TRIM54: variants seen among roughly 807,000 people sequenced by gnomAD.
TRIM54 encodes tripartite motif containing 54, also known as tripartite motif-containing protein 54.
TRIM54 carries 40 observed loss-of-function variants against 42.0 expected under a neutral mutation model. The observed-to-expected ratio is 0.95, with a 90% CI of 0.74 to 1.24. The LOEUF (loss-of-function observed/expected upper bound fraction) is 1.24, where lower values mean the gene tolerates loss of function less well. TRIM54 is among the 50% of genes most tolerant of loss of function. The pLI is 0.00. For missense variants in TRIM54, 485 were observed against 480.3 expected, an observed-to-expected ratio of 1.01 and a Z score of -0.09; for synonymous variants, 199 against 194.9, an observed-to-expected ratio of 1.02 and a Z score of -0.17.
chr2:27,283,763 G>GGCACACACGCACGCGCGCGCGCGC lies in TRIM54; in HGVS notation c.168+872_168+873insGCACGCGCGCGCGCGCGCACACAC, dbSNP rs1302528330. On this transcript the variant is annotated intron_variant, in intron 1 of 8. Coordinates refer to ENST00000380075, the MANE Select transcript of TRIM54 (RefSeq NM_187841.3). ...GAGATCAGGGAGAGTGAGGGGCAAA[G>GGCACACACGCACGCGCGCGCGCGC]GCACACACACACACACGCGCGCACA... Among the ~76,000 whole-genome samples the GGCACACACGCACGCGCGCGCGCGC allele has an allele frequency of 1.6e-3, 170 of 103,810 alleles. 2 individuals carry two copies. Among genetic ancestry groups the GGCACACACGCACGCGCGCGCGCGC allele is most frequent in the Non-Finnish European group, 2.2e-3 (110 of 50,438 alleles). The allele number at this position is 103,810 out of a possible 152,430, so 68.1% of individuals were successfully genotyped here. A position where few individuals can be genotyped will look rare whatever the true frequency, so the allele number is the denominator to read the frequency against.
intron 1 of TRIM54, among the ~76,000 whole-genome samples, chr2:27,290,131 CA>C (rs1678678701): frequency 6.6e-6 from 1 of 151,924 alleles, no homozygotes; most frequent in East Asian, 1.9e-4. Context: ...CTCGGCCTTC[CA>C]AAGTTCTAGA....
intron 1 of TRIM54, among the ~76,000 whole-genome samples, chr2:27,288,838 C>T (rs981538997): frequency 1.3e-5 from 2 of 152,198 alleles, no homozygotes; most frequent in African/African-American, 4.8e-5. Flanking sequence ...ATTTCCTCTA[C>T]ACATCACATC....
Position 27,306,213 on chromosome 2 carries a change from G to A in TRIM54, c.867G>A (p.Lys289=), listed in dbSNP as rs1387665762. Residue 289 remains lysine (K), a splice_region_variant and synonymous_variant, in exon 7 of 9, where the codon AAG becomes AAA. Transcript: ENST00000380075. The surrounding 1 kb of genome is among the most constrained non-coding windows in gnomAD (Gnocchi z 6.1). The part of the protein sequence containing the change: ...YLQQAKELIN[K]VGAMSKVELA... ...AGCTGAGTCCGTGTGGCCACTGCAG[G>A]GTCGGGGCCATGTCGAAGGTGGAGC... 6 of 1,613,990 alleles carry A rather than the reference G, an allele frequency of 3.7e-6. No individual in the cohort carries two copies. In the South Asian group the frequency reaches 6.6e-5, roughly 18 times the overall value.
At chr2:27,299,680 C>CTATA (rs1248708050) in intron 3 of TRIM54, 1 of 594,442 alleles carries the variant, frequency 1.7e-6, no homozygotes, top group Non-Finnish European at 2.9e-6. Context: ...TCAGCCCTAT[C>CTATA]TATCTATCTA....
At chr2:27,284,359 A>G (rs1572515592) in intron 1 of TRIM54, among the ~76,000 whole-genome samples, 1 of 152,298 alleles carries the variant, frequency 6.6e-6, no homozygotes, top group East Asian at 1.9e-4. Flanking sequence ...AGGTCAGGCC[A>G]TCCCACAATG....
chr2:27,283,936 C>A (rs2148186089), intron 1 of TRIM54, among the ~76,000 whole-genome samples: 1 of 152,270 alleles, frequency 6.6e-6, no homozygotes, highest in South Asian at 2.1e-4. Flanking sequence ...AGTTCAAGAC[C>A]AGCTTGGCCA....
At chr2:27,304,904 G>A in intron 3 of TRIM54, 55 bp from the exon 4 acceptor site, 6 of 1,533,836 alleles carry the variant, frequency 3.9e-6, no homozygotes, top group Non-Finnish European at 5.4e-6. Flanking sequence ...CTGGGGTGAG[G>A]GGTGTAGCTC....
intron 3 of TRIM54, among the ~76,000 whole-genome samples, chr2:27,300,966 G>A (rs1008716827): frequency 6.6e-6 from 1 of 152,064 alleles, no homozygotes; most frequent in East Asian, 1.9e-4. Context: ...CTCTGTTAGA[G>A]GAAAGAGGTC....
chr2:27,302,338 C>A (rs2148202296), intron 3 of TRIM54, among the ~76,000 whole-genome samples: 1 of 152,052 alleles, frequency 6.6e-6, no homozygotes, highest in South Asian at 2.1e-4. Flanking sequence ...GTAGTCCCAG[C>A]TACTCGGGAG....
chr2:27,305,129 C>G (rs1366170566), intron 4 of TRIM54, 75 bp downstream of exon 4: 1 of 1,274,530 alleles, frequency 7.8e-7, no homozygotes, highest in Non-Finnish European at 1.1e-6. Context: ...GAGAACTGCT[C>G]CTCTCTGACC....
Position 27,282,915 on chromosome 2 carries a change from G to C in TRIM54, c.168+16G>C, listed in dbSNP as rs768865671. ...CGTCTTCCAGGTGGGTGCCAGGGAC[G>C]GGGCAGGGCCAGGTAAAGCAATGCA... On this transcript the variant is annotated intron_variant, in intron 1 of 8. Transcript: ENST00000380075. 1.9e-6 allele frequency: 3 copies of C among 1,601,434 alleles called. No individual in the cohort carries two copies. The highest frequency in any genetic ancestry group is 3.4e-5 in the Admixed American group (2 of 59,330).
chr2:27,294,432 T>C (rs1375325316), intron 1 of TRIM54, among the ~76,000 whole-genome samples: 2 of 152,164 alleles, frequency 1.3e-5, no homozygotes, highest in African/African-American at 2.4e-5. Context: ...GGCCTAAGTT[T>C]TATTGTGTCT....
intron 3 of TRIM54, among the ~76,000 whole-genome samples, chr2:27,302,661 G>A (rs948614220): frequency 1.3e-5 from 2 of 151,712 alleles, no homozygotes; most frequent in African/African-American, 2.4e-5. Context: ...CATGGTGGCA[G>A]TCGCCTGTAA....
At position 27,306,411 on chromosome 2, in the gene TRIM54, C is replaced by T. The variant is rs753429911; in HGVS notation, c.992-45C>T. On this transcript the variant is annotated intron_variant, in intron 7 of 8. Coordinates refer to ENST00000380075, the MANE Select transcript of TRIM54 (RefSeq NM_187841.3). This position sits in a 1 kb window ranked among gnomAD's most constrained non-coding sequence, Gnocchi z 6.1. Reference sequence around the variant, plus strand: ...TGGGGGGTGCGGCGGGCACGATGGCCGTAAAGGCAGGGACTCCACCTCACC... The same window carrying T: ...TGGGGGGTGCGGCGGGCACGATGGCTGTAAAGGCAGGGACTCCACCTCACC... The T allele has an allele frequency of 5.6e-6, 9 of 1,611,180 alleles. No homozygotes were observed. The highest frequency in any genetic ancestry group is 2.7e-5 in the African/African-American group (2 of 74,860).
At chr2:27,283,742 T>G in intron 1 of TRIM54, among the ~76,000 whole-genome samples, 2 of 133,610 alleles carry the variant, frequency 1.5e-5, no homozygotes, top group African/African-American at 5.5e-5. Flanking sequence ...GGAACAGAGA[T>G]CAGGGAGAGT....
intron 3 of TRIM54, chr2:27,304,684 A>G (rs1461695177): frequency 2.7e-6 from 1 of 364,880 alleles, no homozygotes; most frequent in Non-Finnish European, 5.0e-6. Flanking sequence ...ATCTACAGAT[A>G]AAGTATCTAG....
In TRIM54 at chr2:27,306,189, G is replaced by C; in HGVS notation, c.867-24G>C. On this transcript the variant is annotated intron_variant, in intron 6 of 8. Transcript: ENST00000380075. The surrounding 1 kb of genome is among the most constrained non-coding windows in gnomAD (Gnocchi z 6.1). ...GCTTGAGAGTGCTGGGGCATTGCCAGCTGAGTCCGTGTGGCCACTGCAGGG... is the reference window on the plus strand; with the variant it reads ...GCTTGAGAGTGCTGGGGCATTGCCACCTGAGTCCGTGTGGCCACTGCAGGG... The C allele has an allele frequency of 6.2e-7, 1 of 1,613,984 alleles. No individual in the cohort carries two copies. The highest frequency in any genetic ancestry group is 8.5e-7 in the Non-Finnish European group (1 of 1,180,000).
At chr2:27,303,260 G>A (rs1368456739) in intron 3 of TRIM54, among the ~76,000 whole-genome samples, 3 of 152,126 alleles carry the variant, frequency 2.0e-5, no homozygotes, top group Non-Finnish European at 4.4e-5. Context: ...CTGCAGCTAA[G>A]ATTCCAGAGA....
At position 27,306,727 on chromosome 2, in the gene TRIM54, A is replaced by T. The variant is rs1679229014; in HGVS notation, c.*2-160A>T. Among the ~76,000 whole-genome samples the T allele has an allele frequency of 6.6e-6, 1 of 152,082 alleles. No individual in the cohort carries two copies. Among genetic ancestry groups the T allele is most frequent in the South Asian group, 2.1e-4 (1 of 4,834 alleles). On this transcript the variant is annotated intron_variant, in intron 8 of 8. Transcript: ENST00000380075. This position sits in a 1 kb window ranked among gnomAD's most constrained non-coding sequence, Gnocchi z 6.1. ...CGCGCCCCCTAGGGCGGAAAAGTAC[A>T]CTTTCCTCCTCACCCGCTGTTCCTC... is the stretch of plus-strand genomic sequence containing the variant.
Sources: gnomAD v4.1 joint callset for allele counts (sites outside exome capture counted in the v4.1 genomes callset) on GRCh38, gnomAD v4.1.1 for gene constraint, Gnocchi (gnomAD v3.1) non-coding constraint, MANE v1.5 for transcripts, NCBI Gene and HGNC (gene_info 2026-07-23, HGNC 2026-07-21) for gene names.